RARB: variants seen among roughly 807,000 people sequenced by gnomAD.
RARB encodes the protein retinoic acid receptor beta.
In RARB, 17 loss-of-function variants were observed where a neutral mutation model predicts 51.9. The observed-to-expected ratio is 0.33, with a 90% CI of 0.22 to 0.49. The LOEUF is 0.49. Ranked by LOEUF, RARB falls within the 20% of genes least tolerant of loss-of-function variation. The pLI, the probability that RARB is intolerant of heterozygous loss-of-function variation, is 0.99. For missense variants in RARB, 369 were observed against 550.8 expected, an observed-to-expected ratio of 0.67 and a Z score of 3.30; for synonymous variants, 215 against 195.4, an observed-to-expected ratio of 1.10 and a Z score of -0.84.
chr3:25,204,071 A>G (rs947267770), intron 5 of RARB, among the ~76,000 whole-genome samples: 1 of 152,180 alleles, frequency 6.6e-6, no homozygotes, highest in Non-Finnish European at 1.5e-5. Flanking sequence ...TACACCAATC[A>G]GATGTAGATT....
At chr3:25,366,032 GGA>G (rs1353042805) in intron 5 of RARB, among the ~76,000 whole-genome samples, 2 of 152,182 alleles carry the variant, frequency 1.3e-5, no homozygotes, top group African/African-American at 4.8e-5. Context: ...GCATCATTAT[GGA>G]GAGTGCAGGA....
intron 2 of RARB, among the ~76,000 whole-genome samples, chr3:24,999,740 C>A (rs1324623745): frequency 6.6e-6 from 1 of 152,144 alleles, no homozygotes. Flanking sequence ...GTAGCCAAGA[C>A]CTCTAAGGGG....
At chr3:25,102,686 G>A (rs1163346982) in intron 3 of RARB, among the ~76,000 whole-genome samples, 2 of 152,026 alleles carry the variant, frequency 1.3e-5, no homozygotes, top group Non-Finnish European at 2.9e-5. Flanking sequence ...AATGAGTTAT[G>A]AAAGAGACAT....
chr3:24,949,296 G>A (rs1695839051), intron 2 of RARB, among the ~76,000 whole-genome samples: 1 of 152,202 alleles, frequency 6.6e-6, no homozygotes, highest in African/African-American at 2.4e-5. Flanking sequence ...TTCCTGGTCA[G>A]AGCTGATGTA....
At chr3:25,289,138 T>C (rs1485340478) in intron 5 of RARB, among the ~76,000 whole-genome samples, 28 of 152,236 alleles carry the variant, frequency 1.8e-4, no homozygotes. Flanking sequence ...TAGAGCCAAC[T>C]TCAATTTCAA....
At chr3:25,166,314 A>C (rs761445851) in intron 4 of RARB, among the ~76,000 whole-genome samples, 2 of 152,200 alleles carry the variant, frequency 1.3e-5, no homozygotes, top group Non-Finnish European at 2.9e-5. Context: ...TTTCTTTTCT[A>C]TCAAGAACAG....
chr3:25,325,269 A>C (rs1426689137), intron 5 of RARB, among the ~76,000 whole-genome samples: 1 of 152,032 alleles, frequency 6.6e-6, no homozygotes, highest in African/African-American at 2.4e-5. Context: ...ATACATTATA[A>C]TTTGCGTGTA....
intron 5 of RARB, among the ~76,000 whole-genome samples, chr3:25,253,957 T>TAAAAGGAA (rs1702795157): frequency 6.6e-6 from 1 of 152,134 alleles, no homozygotes; most frequent in African/African-American, 2.4e-5. Flanking sequence ...CCTAAAAGAA[T>TAAAAGGAA]AAAAGGATAT....
At chr3:25,536,613 A>G (rs947989417) in intron 3 of RARB, among the ~76,000 whole-genome samples, 3 of 152,210 alleles carry the variant, frequency 2.0e-5, no homozygotes, top group Admixed American at 6.5e-5. Flanking sequence ...ACAATCAACA[A>G]TTTTTATCTC....
intron 2 of RARB, among the ~76,000 whole-genome samples, chr3:24,948,245 C>A (rs1433765038): frequency 6.6e-6 from 1 of 152,170 alleles, no homozygotes. Flanking sequence ...ATCCCCCCTG[C>A]CCATGGTGAT....
intron 4 of RARB, among the ~76,000 whole-genome samples, chr3:25,135,375 C>A (rs1700016584): frequency 6.6e-6 from 1 of 151,830 alleles, no homozygotes; most frequent in Non-Finnish European, 1.5e-5. Flanking sequence ...CTTCTATTTC[C>A]TTGGGAATTA....
chr3:25,579,001 T>C (rs1701062022), intron 4 of RARB, among the ~76,000 whole-genome samples: 1 of 152,234 alleles, frequency 6.6e-6, no homozygotes, highest in South Asian at 2.1e-4. Flanking sequence ...TAATATGTAT[T>C]CTAAATGAAA....
At chr3:25,312,834 A>G (rs1237959833) in intron 5 of RARB, among the ~76,000 whole-genome samples, 1 of 152,228 alleles carries the variant, frequency 6.6e-6, no homozygotes, top group African/African-American at 2.4e-5. Flanking sequence ...CCTCGCGGAT[A>G]GACATGAGCT....
intron 5 of RARB, among the ~76,000 whole-genome samples, chr3:25,378,607 A>G (rs1300269081): frequency 6.6e-6 from 1 of 152,190 alleles, no homozygotes; most frequent in Non-Finnish European, 1.5e-5. Flanking sequence ...ATAAAACCCA[A>G]CACGGTTTTA....
At chr3:25,314,440 T>G (rs967131737) in intron 5 of RARB, among the ~76,000 whole-genome samples, 17 of 152,312 alleles carry the variant, frequency 1.1e-4, no homozygotes, top group African/African-American at 3.8e-4. Flanking sequence ...TCTATCAAGC[T>G]ATTTTCACAG....
intron 3 of RARB, among the ~76,000 whole-genome samples, chr3:25,093,435 A>C (rs2125317825): frequency 6.6e-6 from 1 of 152,256 alleles, no homozygotes; most frequent in East Asian, 1.9e-4. Flanking sequence ...AATTATTCCT[A>C]GGCTTGGGCC....
At chr3:25,378,223 A>G (rs1706522017) in intron 5 of RARB, among the ~76,000 whole-genome samples, 1 of 152,194 alleles carries the variant, frequency 6.6e-6, no homozygotes, top group African/African-American at 2.4e-5. Context: ...ATGGTTTACA[A>G]AGACTTAGTT....
At chr3:24,956,943 C>G (rs768202358) in intron 2 of RARB, among the ~76,000 whole-genome samples, 2 of 152,202 alleles carry the variant, frequency 1.3e-5, no homozygotes, top group African/African-American at 2.4e-5. Context: ...AGTTATGGGC[C>G]AATCCCTCTG....
chr3:25,402,204 A>T (rs1396797894), intron 5 of RARB, among the ~76,000 whole-genome samples: 2 of 152,244 alleles, frequency 1.3e-5, no homozygotes, highest in African/African-American at 2.4e-5. Flanking sequence ...AAAGAATACA[A>T]TTTGAATTCC....
Sources: gnomAD v4.1 joint callset for allele counts (sites outside exome capture counted in the v4.1 genomes callset) on GRCh38, gnomAD v4.1.1 for gene constraint, MANE v1.5 for transcripts, NCBI Gene and HGNC (gene_info 2026-07-23, HGNC 2026-07-21) for gene names.